The following RTN1 variants were observed in gnomAD, a reference collection of about 807,000 sequenced individuals.
RTN1 encodes the protein reticulon-1.
A neutral mutation model predicts 65.5 loss-of-function variants in RTN1; 25 were observed. That is an observed-to-expected ratio of 0.38 (90% CI 0.28 to 0.53). The LOEUF (loss-of-function observed/expected upper bound fraction) is 0.53. Ranked by LOEUF, RTN1 falls within the 20% of genes least tolerant of loss-of-function variation. RTN1 has a pLI of 0.79. For missense variants in RTN1, 983 were observed against 1,025.4 expected, an observed-to-expected ratio of 0.96 and a Z score of 0.57; for synonymous variants, 471 against 447.6, an observed-to-expected ratio of 1.05 and a Z score of -0.66.
At chr14:59,764,111 T>C (rs1885803273) in intron 1 of RTN1, among the ~76,000 whole-genome samples, 1 of 151,950 alleles carries the variant, frequency 6.6e-6, no homozygotes, top group Non-Finnish European at 1.5e-5. Context: ...CGTACACAAA[T>C]ATGAGAGCTT....
chr14:59,860,418 G>A (rs1340228910), intron 1 of RTN1, among the ~76,000 whole-genome samples: 2 of 152,240 alleles, frequency 1.3e-5, no homozygotes, highest in Non-Finnish European at 2.9e-5. Flanking sequence ...GCACCTGGAT[G>A]TCCAGGCAGA....
intron 1 of RTN1, among the ~76,000 whole-genome samples, chr14:59,830,412 A>G (rs917696825): frequency 1.3e-5 from 2 of 152,188 alleles, no homozygotes; most frequent in African/African-American, 4.8e-5. Flanking sequence ...AGCTTAGGGA[A>G]GTCTCTATCT....
chr14:59,725,986 A>G (rs1421310739), intron 3 of RTN1, among the ~76,000 whole-genome samples: 2 of 152,200 alleles, frequency 1.3e-5, no homozygotes, highest in East Asian at 3.8e-4. Flanking sequence ...TACAGTTGTT[A>G]GGGTTTGTTT....
chr14:59,709,969 TTCCC>T (rs1187192337), intron 3 of RTN1, among the ~76,000 whole-genome samples: 3 of 151,836 alleles, frequency 2.0e-5, no homozygotes, highest in Non-Finnish European at 4.4e-5. Flanking sequence ...TTAATTTTAT[TTCCC>T]TCCCTCCCTC....
intron 1 of RTN1, among the ~76,000 whole-genome samples, chr14:59,832,313 T>C (rs1887139043): frequency 1.3e-5 from 2 of 151,578 alleles, no homozygotes; most frequent in African/African-American, 2.4e-5. Flanking sequence ...CCCTACATCT[T>C]TTTTTTTTCG....
intron 3 of RTN1, among the ~76,000 whole-genome samples, chr14:59,706,262 G>C (rs2139452760): frequency 6.6e-6 from 1 of 152,266 alleles, no homozygotes; most frequent in African/African-American, 2.4e-5. Flanking sequence ...CCGTGTCCCA[G>C]GCTATTGTCT....
intron 3 of RTN1, among the ~76,000 whole-genome samples, chr14:59,699,644 C>T (rs1191603224): frequency 6.6e-6 from 1 of 152,106 alleles, no homozygotes; most frequent in East Asian, 1.9e-4. Context: ...AGTTTGAGGC[C>T]AGTTCTGCCA....
rs566101808 is a variant in RTN1 at position 59,726,082 on chromosome 14, C to T, written c.1765+837G>A. On this transcript the variant is annotated intron_variant, in intron 3 of 8. Coordinates refer to ENST00000267484, the MANE Select transcript of RTN1 (RefSeq NM_021136.3). ...ATTAACAAAAATAGAATGAGCAGGA[C>T]CTCACTTAGTCATGTGACTCTAATT... is the stretch of plus-strand genomic sequence containing the variant. 2.2e-3 allele frequency among the ~76,000 whole-genome samples: 339 copies of T among 152,286 alleles called. 3 individuals are homozygous for T. Among genetic ancestry groups the T allele is most frequent in the African/African-American group, 7.6e-3 (317 of 41,564 alleles).
intron 3 of RTN1, among the ~76,000 whole-genome samples, chr14:59,689,163 A>T (rs1455359386): frequency 6.6e-6 from 1 of 152,202 alleles, no homozygotes; most frequent in Non-Finnish European, 1.5e-5. Flanking sequence ...AAATTTCAAT[A>T]TAAAATTGAA....
At chr14:59,866,208 T>C (rs1192866961) in intron 1 of RTN1, among the ~76,000 whole-genome samples, 1 of 152,162 alleles carries the variant, frequency 6.6e-6, no homozygotes, top group East Asian at 1.9e-4. Flanking sequence ...CTGACCTGTG[T>C]TTAGCACAGA....
At chr14:59,801,616 C>T (rs898193732) in intron 1 of RTN1, among the ~76,000 whole-genome samples, 2 of 152,116 alleles carry the variant, frequency 1.3e-5, no homozygotes, top group Non-Finnish European at 2.9e-5. Flanking sequence ...ATAGACAGTT[C>T]TGCAGGAAGA....
At chr14:59,853,799 T>G (rs533165543) in intron 1 of RTN1, among the ~76,000 whole-genome samples, 1 of 152,212 alleles carries the variant, frequency 6.6e-6, no homozygotes, top group East Asian at 1.9e-4. Context: ...CCTCCCATTC[T>G]ATCCATACAG....
At position 59,745,909 on chromosome 14, in the gene RTN1, G is replaced by T. The variant is rs141896177; in HGVS notation, c.814C>A (p.Arg272Ser). The change falls in exon 2 of 9, where the codon CGC becomes AGC. Residue 272 changes from arginine to serine, a missense_variant. Physicochemically the swap from Arg to Ser is moderately radical, Grantham distance 110. This residue lies in a region of RTN1 where 818 missense variants were observed against 801.8 expected (regional missense o/e 1.02). Transcript: ENST00000267484. ...PYIDDLSEEQ[R>S]RAPQITTPVK... is the part of the protein sequence containing the mutation. ...GGGGTGGTGATCTGAGGAGCCCTGC[G>T]CTGTTCTTCAGAGAGATCATCTATG... The T allele has an allele frequency of 6.2e-7, 1 of 1,614,024 alleles. No individual in the cohort carries two copies. Among genetic ancestry groups the T allele is most frequent in the South Asian group, 1.1e-5 (1 of 91,058 alleles).
At position 59,716,615 on chromosome 14, in the gene RTN1, A is replaced by G. The variant is rs769841875; in HGVS notation, c.1765+10304T>C. ...GAACATTGTAAATTCATTTAAAGACATATCTTCTTATATCATAATCCAAGA... is the reference window on the plus strand; with the variant it reads ...GAACATTGTAAATTCATTTAAAGACGTATCTTCTTATATCATAATCCAAGA... On this transcript the variant is annotated intron_variant, in intron 3 of 8. Coordinates refer to ENST00000267484, the MANE Select transcript of RTN1 (RefSeq NM_021136.3). Among the ~76,000 whole-genome samples, 8 of 152,158 alleles carry G rather than the reference A, an allele frequency of 5.3e-5. 1 individual carries two copies. The highest frequency in any genetic ancestry group is 1.9e-4 in the African/African-American group (8 of 41,452).
At chr14:59,786,998 A>G (rs956096678) in intron 1 of RTN1, among the ~76,000 whole-genome samples, 1 of 152,208 alleles carries the variant, frequency 6.6e-6, no homozygotes, top group Admixed American at 6.5e-5. Context: ...AGAGACAGAA[A>G]AGTACTTAAG....
chr14:59,829,334 G>A lies in RTN1; in HGVS notation c.241+41056C>T, dbSNP rs1439981769. Among the ~76,000 whole-genome samples, 1 of 152,158 alleles carries A rather than the reference G, an allele frequency of 6.6e-6. No individual in the cohort carries two copies. The highest frequency in any genetic ancestry group is 1.5e-5 in the Non-Finnish European group (1 of 68,034). On this transcript the variant is annotated intron_variant, in intron 1 of 8. Coordinates refer to ENST00000267484, the MANE Select transcript of RTN1 (RefSeq NM_021136.3). This position sits in a 1 kb window ranked among gnomAD's most constrained non-coding sequence, Gnocchi z 4.3. ...TGGGGGGAATCAAAATGTGATGGGTGTTTGGAGGAGTTTCATGCCCCTGTA... is the reference window on the plus strand; with the variant it reads ...TGGGGGGAATCAAAATGTGATGGGTATTTGGAGGAGTTTCATGCCCCTGTA...
At chr14:59,603,280 G>C in intron 6 of RTN1, 22 bp from the exon 7 acceptor site, 1 of 1,596,644 alleles carries the variant, frequency 6.3e-7, no homozygotes, top group Non-Finnish European at 8.6e-7. Context: ...AACAAATATA[G>C]TATTAAAATT....
intron 3 of RTN1, among the ~76,000 whole-genome samples, chr14:59,632,320 C>T (rs1429597885): frequency 6.6e-6 from 1 of 152,154 alleles, no homozygotes; most frequent in Non-Finnish European, 1.5e-5. Flanking sequence ...TACCTTTCCT[C>T]CCTCCTCCCA....
chr14:59,692,801 A>T (rs1418247763), intron 3 of RTN1, among the ~76,000 whole-genome samples: 6 of 152,222 alleles, frequency 3.9e-5, no homozygotes, highest in Non-Finnish European at 8.8e-5. Context: ...GATATATCTT[A>T]AATAGAAAAT....
Sources: allele counts gnomAD v4.1 joint callset (sites outside exome capture counted in the v4.1 genomes callset), GRCh38; gene constraint gnomAD v4.1.1; regional missense constraint gnomAD v4.1.1; non-coding constraint Gnocchi (gnomAD v3.1); transcripts MANE v1.5; gene names NCBI Gene and HGNC (gene_info 2026-07-23, HGNC 2026-07-21).